Variants in TMEM178B observed in about 807,000 individuals in gnomAD.
The protein encoded by TMEM178B is transmembrane protein 178B.
A neutral mutation model predicts 31.0 loss-of-function variants in TMEM178B; 5 were observed. That is an observed-to-expected ratio of 0.16 (90% confidence interval 0.08 to 0.34). TMEM178B has a LOEUF of 0.34. Ranked by LOEUF, TMEM178B falls within the 10% of genes least tolerant of loss-of-function variation. TMEM178B has a pLI of 1.00. For missense variants in TMEM178B, 275 were observed against 400.3 expected, an observed-to-expected ratio of 0.69 and a Z score of 2.67; for synonymous variants, 164 against 164.0, an observed-to-expected ratio of 1.00 and a Z score of 0.00.
Position 141,461,439 on chromosome 7 carries a change from G to A in TMEM178B, c.635-9097G>A, listed in dbSNP as rs1420331445. 1.3e-5 allele frequency among the ~76,000 whole-genome samples: 2 copies of A among 152,224 alleles called. No homozygotes were observed. The highest frequency in any genetic ancestry group is 2.9e-5 in the Non-Finnish European group (2 of 68,042). On this transcript the variant is annotated intron_variant, in intron 3 of 3. Coordinates refer to ENST00000565468, the MANE Select transcript of TMEM178B (RefSeq NM_001195278.2). This position sits in a 1 kb window ranked among gnomAD's most constrained non-coding sequence, Gnocchi z 4.0. ...CCTGTAGAAATTGTGCACCAGTGAA[G>A]TTGTGGGCATAACTTGGTCACATAA...
chr7:141,194,628 A>G (rs1398296211), intron 1 of TMEM178B, among the ~76,000 whole-genome samples: 1 of 152,016 alleles, frequency 6.6e-6, no homozygotes. Flanking sequence ...TTCTAGGTGC[A>G]CGATGCAAGC....
intron 2 of TMEM178B, among the ~76,000 whole-genome samples, chr7:141,283,067 T>G (rs1262873404): frequency 6.6e-6 from 1 of 152,190 alleles, no homozygotes; most frequent in Non-Finnish European, 1.5e-5. Flanking sequence ...GTTTTGGCAC[T>G]GAAGAACTTG....
rs530032298 is a variant in TMEM178B at position 141,445,845 on chromosome 7, T to C, written c.634+8100T>C. On this transcript the variant is annotated intron_variant, in intron 3 of 3. Coordinates refer to ENST00000565468, the MANE Select transcript of TMEM178B (RefSeq NM_001195278.2). ...TTCTTACCCTGCCAATCTGCTTTTA[T>C]AGTTTTATGTGAGATTTCACTAGAA... 2.0e-5 allele frequency among the ~76,000 whole-genome samples: 3 copies of C among 152,360 alleles called. No individual in the cohort carries two copies. The South Asian group carries it at 6.2e-4, about 32-fold the overall frequency.
At chr7:141,456,693 G>A (rs1426940021) in intron 3 of TMEM178B, among the ~76,000 whole-genome samples, 1 of 152,212 alleles carries the variant, frequency 6.6e-6, no homozygotes, top group Admixed American at 6.5e-5. Flanking sequence ...GAAACCCAGG[G>A]TAAGGTTTCC....
intron 2 of TMEM178B, among the ~76,000 whole-genome samples, chr7:141,391,934 G>A (rs751508051): frequency 3.9e-5 from 6 of 152,190 alleles, no homozygotes; most frequent in African/African-American, 9.7e-5. Context: ...ATCCGTCAGC[G>A]GATACATCAG....
rs1563157442 is a variant in TMEM178B at position 141,344,587 on chromosome 7, CCTT to C, written c.497-93019_497-93017del. ...TTCCTCCCTCCTCCCTTCCTTCCTT[CCTT>C]CCTTCCTTCCTTCCTTCCTTCCTTC... is the stretch of plus-strand genomic sequence containing the variant. On this transcript the variant is annotated intron_variant, in intron 2 of 3. Transcript: ENST00000565468. This position sits in a 1 kb window ranked among gnomAD's most constrained non-coding sequence, Gnocchi z 4.1. Among the ~76,000 whole-genome samples, 6 of 122,930 alleles carry C rather than the reference CCTT, an allele frequency of 4.9e-5. No individual in the cohort carries two copies. Among genetic ancestry groups the C allele is most frequent in the African/African-American group, 2.0e-4 (6 of 29,874 alleles). 80.6% of individuals were successfully genotyped at this position (122,930 alleles called of 152,430 possible).
At chr7:141,355,227 T>A (rs1274889651) in intron 2 of TMEM178B, among the ~76,000 whole-genome samples, 3 of 152,170 alleles carry the variant, frequency 2.0e-5, no homozygotes, top group Admixed American at 2.0e-4. Context: ...TTGCTAATAT[T>A]GTCAGGGCTT....
At chr7:141,087,088 T>C (rs1794801237) in intron 1 of TMEM178B, among the ~76,000 whole-genome samples, 1 of 152,206 alleles carries the variant, frequency 6.6e-6, no homozygotes, top group South Asian at 2.1e-4. Flanking sequence ...ACAATTCTGA[T>C]AAAAAAGGTA....
chr7:141,434,075 T>C (rs1160430037), intron 2 of TMEM178B, among the ~76,000 whole-genome samples: 1 of 152,198 alleles, frequency 6.6e-6, no homozygotes, highest in Non-Finnish European at 1.5e-5. Context: ...TTGTCTTCAT[T>C]TTGCTGCTGT....
intron 2 of TMEM178B, among the ~76,000 whole-genome samples, chr7:141,277,141 A>G (rs764212861): frequency 1.3e-5 from 2 of 152,170 alleles, no homozygotes; most frequent in Non-Finnish European, 2.9e-5. Flanking sequence ...TCTTTCTTCA[A>G]TAATCAACTT....
intron 1 of TMEM178B, among the ~76,000 whole-genome samples, chr7:141,166,475 C>A (rs1294857335): frequency 6.6e-6 from 1 of 152,180 alleles, no homozygotes; most frequent in Admixed American, 6.5e-5. Context: ...CATATTTAGT[C>A]TTCATAAAGG....
intron 2 of TMEM178B, among the ~76,000 whole-genome samples, chr7:141,332,869 G>T (rs1035516091): frequency 1.2e-4 from 18 of 152,212 alleles, no homozygotes; most frequent in Non-Finnish European, 2.6e-4. Flanking sequence ...ATTGTTTTGG[G>T]AACTGACATA....
intron 2 of TMEM178B, among the ~76,000 whole-genome samples, chr7:141,249,509 G>A (rs563650987): frequency 1.4e-4 from 22 of 152,336 alleles, no homozygotes; most frequent in African/African-American, 5.3e-4. Context: ...ATGTGGAAGC[G>A]ACATTGGAAC....
chr7:141,243,412 A>G (rs1797660130), intron 2 of TMEM178B, among the ~76,000 whole-genome samples: 1 of 151,988 alleles, frequency 6.6e-6, no homozygotes, highest in South Asian at 2.1e-4. Flanking sequence ...CTATGGGGTT[A>G]TGGCAGCCAT....
At chr7:141,408,522 A>G (rs546657226) in intron 2 of TMEM178B, among the ~76,000 whole-genome samples, 1 of 152,286 alleles carries the variant, frequency 6.6e-6, no homozygotes, top group Non-Finnish European at 1.5e-5. Flanking sequence ...AAGGGATCAC[A>G]TTGAGAGAAT....
chr7:141,153,011 C>G (rs1322361518), intron 1 of TMEM178B, among the ~76,000 whole-genome samples: 3 of 152,206 alleles, frequency 2.0e-5, no homozygotes, highest in Non-Finnish European at 4.4e-5. Context: ...TCTTAAGTCA[C>G]ATGGCTGATA....
chr7:141,172,297 C>A (rs1457285089), intron 1 of TMEM178B, among the ~76,000 whole-genome samples: 1 of 152,180 alleles, frequency 6.6e-6, no homozygotes, highest in Non-Finnish European at 1.5e-5. Context: ...AACCTCTGAT[C>A]TGCTGCTGCC....
At chr7:141,257,164 C>G (rs1797941324) in intron 2 of TMEM178B, among the ~76,000 whole-genome samples, 1 of 152,182 alleles carries the variant, frequency 6.6e-6, no homozygotes, top group African/African-American at 2.4e-5. Context: ...GTTGCAGAAG[C>G]AGGTAAATAA....
intron 2 of TMEM178B, among the ~76,000 whole-genome samples, chr7:141,230,324 T>C (rs1797421278): frequency 6.6e-6 from 1 of 152,232 alleles, no homozygotes; most frequent in Non-Finnish European, 1.5e-5. Context: ...TTTATAGCCC[T>C]ACCAAATTTT....
Sources: gnomAD v4.1 joint callset for allele counts (sites outside exome capture counted in the v4.1 genomes callset) on GRCh38, gnomAD v4.1.1 for gene constraint, Gnocchi (gnomAD v3.1) non-coding constraint, MANE v1.5 for transcripts, NCBI Gene and HGNC (gene_info 2026-07-23, HGNC 2026-07-21) for gene names.